Variants in GDPD5 observed in about 807,000 individuals in gnomAD.
GDPD5 encodes the protein glycerophosphodiester phosphodiesterase domain containing 5, also known as glycerophosphodiester phosphodiesterase 2.
A neutral mutation model predicts 75.1 loss-of-function variants in GDPD5; 48 were observed. The observed-to-expected ratio is 0.64, with a 90% CI of 0.51 to 0.81. The LOEUF is 0.81. Among genes scored for constraint, GDPD5 ranks in the 40% least tolerant of loss-of-function variants. The pLI is 0.00. For synonymous variants in GDPD5, 336 were observed against 339.0 expected (o/e 0.99, Z 0.10); for missense variants, 706 against 822.6 (o/e 0.86, Z 1.73).
rs894312411 is a variant in GDPD5, at chr11:75,477,513, C to A, written c.117+106G>T. ...AACTGAAACCCAGAAAGGCCATTGG[C>A]CTGTCCAGAGCGAGTCAGCAGAGAC... On this transcript the variant is annotated intron_variant, in intron 3 of 16. Transcript: ENST00000336898. 5 of 575,432 alleles carry A rather than the reference C, an allele frequency of 8.7e-6. No homozygotes were observed. The Admixed American group carries it at 1.4e-4, about 16-fold the overall frequency. 35.6% of individuals were successfully genotyped at this position (575,432 alleles called of 1,614,324 possible).
intron 2 of GDPD5, among the ~76,000 whole-genome samples, chr11:75,486,428 G>A (rs576093891): frequency 1.3e-5 from 2 of 152,292 alleles, no homozygotes; most frequent in Admixed American, 6.5e-5. Flanking sequence ...ATCTTTGATA[G>A]GGATTAAGGT....
intron 1 of GDPD5, among the ~76,000 whole-genome samples, chr11:75,511,142 A>C (rs1366954049): frequency 6.6e-6 from 1 of 152,242 alleles, no homozygotes; most frequent in East Asian, 1.9e-4. Flanking sequence ...TGAAAGAATA[A>C]AAATATCTCC....
At chr11:75,510,550 C>T (rs536825844) in intron 1 of GDPD5, among the ~76,000 whole-genome samples, 2 of 152,352 alleles carry the variant, frequency 1.3e-5, no homozygotes, top group South Asian at 4.1e-4. Context: ...CATCCACAGG[C>T]TCCTTACAGG....
At chr11:75,449,495 G>A (rs1246905531) in intron 8 of GDPD5, 22 bp downstream of exon 8, 1 of 1,542,506 alleles carries the variant, frequency 6.5e-7, no homozygotes, top group Non-Finnish European at 8.8e-7. Context: ...TGGAGGGGCA[G>A]GCCCTTCACA....
At chr11:75,461,331 A>G (rs1171252849) in intron 4 of GDPD5, among the ~76,000 whole-genome samples, 1 of 152,176 alleles carries the variant, frequency 6.6e-6, no homozygotes, top group Admixed American at 6.5e-5. Context: ...ATGGCATTTA[A>G]TAAAGGCCAG....
chr11:75,503,031 CTTTTTT>C (rs888911983), intron 1 of GDPD5, among the ~76,000 whole-genome samples: 3 of 152,108 alleles, frequency 2.0e-5, no homozygotes, highest in Non-Finnish European at 4.4e-5. Context: ...TGTTCTTTTT[CTTTTTT>C]TGAGACTGAG....
chr11:75,456,515 C>T (rs1949288634), intron 6 of GDPD5: 2 of 562,184 alleles, frequency 3.6e-6, no homozygotes, highest in South Asian at 4.4e-5. Context: ...ACTTCAGTTT[C>T]CCCAACCACA....
intron 1 of GDPD5, among the ~76,000 whole-genome samples, chr11:75,497,238 C>A (rs907365035): frequency 6.6e-6 from 1 of 152,154 alleles, no homozygotes; most frequent in Non-Finnish European, 1.5e-5. Context: ...ACAGACGCAG[C>A]CCCTGCTGGA....
chr11:75,486,921 G>A (rs570791921), intron 2 of GDPD5, among the ~76,000 whole-genome samples: 43 of 152,342 alleles, frequency 2.8e-4, no homozygotes, highest in African/African-American at 9.9e-4. Context: ...GTGGCAGGGA[G>A]GGCAGTGATT....
At position 75,477,731 on chromosome 11, in the gene GDPD5, A is replaced by C. The variant is rs1431433395; in HGVS notation, c.5T>G (p.Val2Gly). 6.4e-7 allele frequency: 1 copy of C among 1,567,762 alleles called. No homozygotes were observed. Among genetic ancestry groups the C allele is most frequent in the Admixed American group, 1.7e-5 (1 of 57,702 alleles). M[V>G]RHQPLQYYEP... Reference sequence around the variant, plus strand: ...GTAGTACTGCAGGGGCTGGTGTCTCACCATACTCGTGCCCACGGCCCTGGC... The same window carrying C: ...GTAGTACTGCAGGGGCTGGTGTCTCCCCATACTCGTGCCCACGGCCCTGGC... Residue 2 changes from valine to glycine, a missense_variant, in exon 3 of 17, where the codon GTG becomes GGG. Transcript: ENST00000336898.
chr11:75,441,542 CCG>C (rs1491353583), intron 13 of GDPD5, 102 bp downstream of exon 13: 13 of 1,112,744 alleles, frequency 1.2e-5, no homozygotes, highest in Non-Finnish European at 1.6e-5. Flanking sequence ...CTCTGCCCGA[CCG>C]TGTGTGTGTG....
At chr11:75,439,098 G>T (rs1790157) in intron 15 of GDPD5, among the ~76,000 whole-genome samples, 2 of 152,154 alleles carry the variant, frequency 1.3e-5, no homozygotes, top group Non-Finnish European at 2.9e-5. Flanking sequence ...TCAAGGAAAC[G>T]CTGGTCCCCA....
At chr11:75,512,192 T>C (rs1950534798) in intron 1 of GDPD5, among the ~76,000 whole-genome samples, 1 of 151,726 alleles carries the variant, frequency 6.6e-6, no homozygotes, top group South Asian at 2.1e-4. Context: ...ACTGGTTGAA[T>C]AGGTATGAAT....
At chr11:75,441,910 G>A (rs997470809) in intron 12 of GDPD5, 107 bp from the exon 13 acceptor site, 33 of 1,171,674 alleles carry the variant, frequency 2.8e-5, no homozygotes, top group East Asian at 5.2e-5. Context: ...CCTGGCAGGC[G>A]GTGAAAGCTT....
At chr11:75,497,584 G>C (rs1950234159) in intron 1 of GDPD5, among the ~76,000 whole-genome samples, 1 of 152,220 alleles carries the variant, frequency 6.6e-6, no homozygotes, top group African/African-American at 2.4e-5. Flanking sequence ...GGCCTCTGCA[G>C]TGGATTGTAC....
chr11:75,509,195 C>G (rs1198032620), intron 1 of GDPD5, among the ~76,000 whole-genome samples: 1 of 152,260 alleles, frequency 6.6e-6, no homozygotes, highest in African/African-American at 2.4e-5. Flanking sequence ...GGGGGGTGTT[C>G]TTGACATGTG....
chr11:75,480,006 G>A (rs922345322), intron 2 of GDPD5, among the ~76,000 whole-genome samples: 1 of 152,190 alleles, frequency 6.6e-6, no homozygotes, highest in Non-Finnish European at 1.5e-5. Context: ...TAATGCTTCT[G>A]TGAATGAGTT....
chr11:75,438,203 C>T (rs1192120712), intron 15 of GDPD5: 1 of 152,220 alleles, frequency 6.6e-6, no homozygotes, highest in Non-Finnish European at 1.5e-5. Flanking sequence ...TCTCTCTGTT[C>T]ATCGCTGTGC....
intron 1 of GDPD5, among the ~76,000 whole-genome samples, chr11:75,524,068 T>C (rs1417442334): frequency 1.3e-5 from 2 of 152,196 alleles, no homozygotes; most frequent in African/African-American, 2.4e-5. Context: ...CTACATGCCT[T>C]GGGGGCAGCA....
Sources: allele counts gnomAD v4.1 joint callset (sites outside exome capture counted in the v4.1 genomes callset), GRCh38; gene constraint gnomAD v4.1.1; transcripts MANE v1.5; gene names NCBI Gene and HGNC (gene_info 2026-07-23, HGNC 2026-07-21).